KLHL29: variants seen among roughly 807,000 people sequenced by gnomAD.
The protein encoded by KLHL29 is kelch like family member 29.
A neutral mutation model predicts 80.4 loss-of-function variants in KLHL29; 21 were observed. The observed-to-expected ratio is 0.26, with a 90% confidence interval of 0.19 to 0.38. The LOEUF (loss-of-function observed/expected upper bound fraction) is 0.38. Among genes scored for constraint, KLHL29 ranks in the 10% least tolerant of loss-of-function variants. The pLI is 1.00. For synonymous variants in KLHL29, 511 were observed against 526.8 expected, an observed-to-expected ratio of 0.97 and a Z score of 0.41; for missense variants, 867 against 1,223.9, an observed-to-expected ratio of 0.71 and a Z score of 4.35.
At chr2:23,418,220 A>C (rs993915018) in intron 1 of KLHL29, among the ~76,000 whole-genome samples, 3 of 151,598 alleles carry the variant, frequency 2.0e-5, no homozygotes, top group African/African-American at 4.9e-5. Flanking sequence ...CTGACTCCCC[A>C]CCCCATCCTA....
At chr2:23,668,047 T>A (rs1166580665) in intron 5 of KLHL29, 2 of 152,382 alleles carry the variant, frequency 1.3e-5, no homozygotes, top group Non-Finnish European at 2.9e-5. Context: ...CTCTGCGTTA[T>A]TTTTTTCTCC....
At chr2:23,605,880 G>A (rs746263003) in intron 3 of KLHL29, among the ~76,000 whole-genome samples, 5 of 151,564 alleles carry the variant, frequency 3.3e-5, no homozygotes, top group Non-Finnish European at 7.4e-5. Context: ...AGTGATTCTC[G>A]TGTCTCAGCC....
chr2:23,429,165 C>T lies in KLHL29; in HGVS notation c.-154+43385C>T, dbSNP rs143498081. 4.8e-4 allele frequency among the ~76,000 whole-genome samples: 73 copies of T among 152,354 alleles called. No homozygotes were observed. In the East Asian group the frequency reaches 0.013, roughly 27 times the overall value. On this transcript the variant is annotated intron_variant, in intron 1 of 13. Transcript: ENST00000486442. ...ATGTTCACATACACCCAGGCACGCA[C>T]GTGTGCATACATGCTCAGCTGGGCC...
At chr2:23,441,893 C>T (rs1281822497) in intron 1 of KLHL29, among the ~76,000 whole-genome samples, 1 of 152,178 alleles carries the variant, frequency 6.6e-6, no homozygotes, top group African/African-American at 2.4e-5. Context: ...CATGTTTGGT[C>T]ATATCTCATT....
At chr2:23,678,219 G>T (rs565028871) in intron 5 of KLHL29, among the ~76,000 whole-genome samples, 1 of 152,310 alleles carries the variant, frequency 6.6e-6, no homozygotes, top group East Asian at 1.9e-4. Context: ...AAAGCATCCA[G>T]CCCCAGGCAG....
intron 3 of KLHL29, among the ~76,000 whole-genome samples, chr2:23,563,640 A>G (rs968850711): frequency 6.6e-6 from 1 of 152,146 alleles, no homozygotes; most frequent in Non-Finnish European, 1.5e-5. Context: ...GCCGCGCTCC[A>G]GGTGTGCTGC....
chr2:23,591,808 T>C (rs1411206968), intron 3 of KLHL29, among the ~76,000 whole-genome samples: 2 of 152,220 alleles, frequency 1.3e-5, no homozygotes. Flanking sequence ...CCTCATCTGC[T>C]GCCCACACCC....
chr2:23,428,094 A>G (rs190355995), intron 1 of KLHL29, among the ~76,000 whole-genome samples: 5 of 152,358 alleles, frequency 3.3e-5, no homozygotes, highest in Admixed American at 2.6e-4. Context: ...ATTGCAGGCT[A>G]TCACTGCTAA....
At chr2:23,433,532 A>AG (rs34535418) in intron 1 of KLHL29, among the ~76,000 whole-genome samples, 76,977 of 151,976 alleles carry the variant, frequency 0.51, 20,785 homozygotes, top group African/African-American at 0.71. Flanking sequence ...GTACATCCCC[A>AG]CAGCAGCTGG....
At chr2:23,704,379 C>T (rs764705905) in intron 13 of KLHL29, among the ~76,000 whole-genome samples, 3 of 152,200 alleles carry the variant, frequency 2.0e-5, no homozygotes, top group Non-Finnish European at 4.4e-5. Context: ...GAGTGTGGCT[C>T]GGTCCCCAGG....
At chr2:23,605,856 G>C (rs1440660036) in intron 3 of KLHL29, among the ~76,000 whole-genome samples, 1 of 151,146 alleles carries the variant, frequency 6.6e-6, no homozygotes, top group Non-Finnish European at 1.5e-5. Flanking sequence ...TGCAACCTCT[G>C]CCTCCTGGGT....
At chr2:23,656,932 G>GAAAA (rs58320389) in intron 5 of KLHL29, among the ~76,000 whole-genome samples, 7 of 110,094 alleles carry the variant, frequency 6.4e-5, no homozygotes, top group Non-Finnish European at 9.6e-5. Flanking sequence ...TCCCCAACAG[G>GAAAA]AAAAAAAAAA....
chr2:23,540,565 G>A (rs376898363), intron 2 of KLHL29, among the ~76,000 whole-genome samples: 5 of 152,162 alleles, frequency 3.3e-5, no homozygotes, highest in South Asian at 2.1e-4. Context: ...CTTCAGTAGC[G>A]CAGAACTTGG....
Position 23,684,648 on chromosome 2 carries a change from A to T in KLHL29, c.1079+111A>T, listed in dbSNP as rs912739045. 1 of 905,980 alleles carries T rather than the reference A, an allele frequency of 1.1e-6. No homozygotes were observed. Among genetic ancestry groups the T allele is most frequent in the African/African-American group, 1.8e-5 (1 of 55,512 alleles). The allele number at this position is 905,980 out of a possible 1,614,324, so 56.1% of individuals were successfully genotyped here. On this transcript the variant is annotated intron_variant, in intron 6 of 13. Transcript: ENST00000486442. The surrounding 1 kb of genome is among the most constrained non-coding windows in gnomAD (Gnocchi z 4.4). ...CCTGAAGCGTGACTCCCTGTCACAG[A>T]GCCAGTAGCCATCTCTCCTCCTCCT...
At chr2:23,658,050 C>G (rs1368974105) in intron 5 of KLHL29, among the ~76,000 whole-genome samples, 2 of 152,040 alleles carry the variant, frequency 1.3e-5, no homozygotes, top group African/African-American at 4.8e-5. Context: ...TGTGAGCTCC[C>G]TTTCTCTGTC....
intron 3 of KLHL29, among the ~76,000 whole-genome samples, chr2:23,622,652 TC>T (rs1341707586): frequency 6.6e-6 from 1 of 152,178 alleles, no homozygotes; most frequent in Non-Finnish European, 1.5e-5. Context: ...GCTCAGTCTT[TC>T]CTTCACAGCC....
intron 2 of KLHL29, among the ~76,000 whole-genome samples, chr2:23,515,771 A>G (rs1216253682): frequency 6.6e-6 from 1 of 152,184 alleles, no homozygotes; most frequent in East Asian, 1.9e-4. Context: ...GACTTAGACC[A>G]AGTTCATAGG....
chr2:23,451,793 T>C (rs1663886633), intron 1 of KLHL29, among the ~76,000 whole-genome samples: 1 of 152,208 alleles, frequency 6.6e-6, no homozygotes, highest in Non-Finnish European at 1.5e-5. Flanking sequence ...GGTAATGTAC[T>C]AGTCCATTCT....
intron 3 of KLHL29, chr2:23,617,439 A>T (rs1558410269): frequency 6.6e-6 from 1 of 152,276 alleles, no homozygotes; most frequent in Non-Finnish European, 1.5e-5. Flanking sequence ...GAAAAAAGGA[A>T]GGAAAAATGC....
Sources: allele counts gnomAD v4.1 joint callset (sites outside exome capture counted in the v4.1 genomes callset), GRCh38; gene constraint gnomAD v4.1.1; non-coding constraint Gnocchi (gnomAD v3.1); transcripts MANE v1.5; gene names NCBI Gene and HGNC (gene_info 2026-07-23, HGNC 2026-07-21).